DNM1L: variants seen among roughly 807,000 people sequenced by gnomAD.
DNM1L encodes dynamin 1L.
DNM1L carries 33 observed loss-of-function variants against 92.8 expected under a neutral mutation model. The observed-to-expected ratio is 0.36, with a 90% CI of 0.27 to 0.48. DNM1L has a LOEUF of 0.48. DNM1L is among the 20% of genes least tolerant of loss of function. The probability of loss-of-function intolerance (pLI) is 0.99; values close to 1 mark genes in which losing one functional copy is unlikely to be tolerated. For missense variants in DNM1L, 485 were observed against 888.8 expected (o/e 0.55, Z 5.78); for synonymous variants, 284 against 305.0 (o/e 0.93, Z 0.72).
chr12:32,740,293 G>A, intron 17 of DNM1L, 53 bp downstream of exon 17: 1 of 1,613,284 alleles, frequency 6.2e-7, no homozygotes, highest in Non-Finnish European at 8.5e-7. Flanking sequence ...AAGTTAGTAG[G>A]AAAACGATTA....
At chr12:32,699,567 G>T (rs866055306) in intron 1 of DNM1L, among the ~76,000 whole-genome samples, 1 of 151,834 alleles carries the variant, frequency 6.6e-6, no homozygotes, top group African/African-American at 2.4e-5. Context: ...AGGCTGAGGC[G>T]GGCGGATCAC....
In DNM1L at chr12:32,731,593, A is replaced by T. The variant is rs1367733519; in HGVS notation, c.1356+82A>T. On this transcript the variant is annotated intron_variant, in intron 11 of 19. Transcript: ENST00000549701. The surrounding 1 kb of genome is among the most constrained non-coding windows in gnomAD (Gnocchi z 5.1). ...GGTTTCACTGGGTGGAAGGAAATGT[A>T]TAAGATGGGATACAAGGTAAAATCT... 1 of 1,541,158 alleles carries T rather than the reference A, an allele frequency of 6.5e-7. No individual in the cohort carries two copies. Among genetic ancestry groups the T allele is most frequent in the Non-Finnish European group, 8.9e-7 (1 of 1,125,918 alleles).
chr12:32,738,882 G>C (rs1955089632), intron 16 of DNM1L, among the ~76,000 whole-genome samples: 1 of 152,070 alleles, frequency 6.6e-6, no homozygotes. Context: ...CAGATTTAAA[G>C]TTCTGAACTT....
chr12:32,708,448 T>G (rs1286079297), intron 4 of DNM1L, among the ~76,000 whole-genome samples: 2 of 152,216 alleles, frequency 1.3e-5, no homozygotes, highest in East Asian at 3.8e-4. Context: ...CTTAAAGCTT[T>G]CATATAAATC....
chr12:32,696,813 T>C (rs1952487337), intron 1 of DNM1L, among the ~76,000 whole-genome samples: 2 of 150,304 alleles, frequency 1.3e-5, no homozygotes, highest in African/African-American at 2.4e-5. Flanking sequence ...TTAGTAGAGA[T>C]GGGGTTTCAC....
chr12:32,681,838 A>G (rs1951818542), intron 1 of DNM1L, among the ~76,000 whole-genome samples: 1 of 151,940 alleles, frequency 6.6e-6, no homozygotes, highest in Admixed American at 6.6e-5. Context: ...TGTCTTCAGA[A>G]TACAGGTATA....
intron 13 of DNM1L, among the ~76,000 whole-genome samples, chr12:32,734,722 CAA>C: frequency 6.6e-6 from 1 of 152,080 alleles, no homozygotes; most frequent in Admixed American, 6.6e-5. Context: ...GCAGGAGAAT[CAA>C]CTTGAACCCA....
At chr12:32,724,532 C>T (rs1431534045) in intron 9 of DNM1L, among the ~76,000 whole-genome samples, 4 of 139,822 alleles carry the variant, frequency 2.9e-5, no homozygotes, top group East Asian at 2.1e-4. Context: ...GCTGAGATCG[C>T]ACCACTGCAC....
At chr12:32,739,538 A>T (rs1955134676) in intron 16 of DNM1L, among the ~76,000 whole-genome samples, 1 of 152,212 alleles carries the variant, frequency 6.6e-6, no homozygotes, top group African/African-American at 2.4e-5. Context: ...CTTTTTGTTA[A>T]AGAGTTCTTA....
intron 1 of DNM1L, among the ~76,000 whole-genome samples, chr12:32,696,381 CAA>C (rs372594438): frequency 3.9e-4 from 28 of 71,948 alleles, no homozygotes; most frequent in South Asian, 1.2e-3. Context: ...CACACACACA[CAA>C]ACACACACAC....
At chr12:32,740,783 A>C (rs1955234670) in intron 18 of DNM1L, among the ~76,000 whole-genome samples, 1 of 152,180 alleles carries the variant, frequency 6.6e-6, no homozygotes, top group African/African-American at 2.4e-5. Context: ...TCATTTAAGA[A>C]AATCTTTTTC....
chr12:32,739,276 C>T (rs1215855469), intron 16 of DNM1L, among the ~76,000 whole-genome samples: 1 of 145,756 alleles, frequency 6.9e-6, no homozygotes, highest in Non-Finnish European at 1.5e-5. Flanking sequence ...TAAAGAATAC[C>T]TAAAAAAAAC....
intron 6 of DNM1L, among the ~76,000 whole-genome samples, chr12:32,717,857 T>C (rs1403537271): frequency 8.7e-6 from 1 of 115,276 alleles, no homozygotes; most frequent in African/African-American, 3.5e-5. Context: ...TTTATAAATA[T>C]ACTATATATA....
At chr12:32,691,975 A>AT (rs1332817253) in intron 1 of DNM1L, among the ~76,000 whole-genome samples, 1 of 150,718 alleles carries the variant, frequency 6.6e-6, no homozygotes, top group Admixed American at 6.6e-5. Flanking sequence ...GGAAAAAAAA[A>AT]AGCTTTCTTA....
chr12:32,744,209 C>T lies in DNM1L; in HGVS notation c.*799C>T, dbSNP rs1297652806. Reference sequence around the variant, plus strand: ...TAGATTTCAGAAAATCAAATGATGACCTAAATTTCCCTTAATTTGCAAATA... The same window carrying T: ...TAGATTTCAGAAAATCAAATGATGATCTAAATTTCCCTTAATTTGCAAATA... On this transcript the variant is annotated 3_prime_UTR_variant, in exon 20 of 20. Coordinates refer to ENST00000549701, the MANE Select transcript of DNM1L (RefSeq NM_012062.5). The T allele has an allele frequency of 6.6e-6, 1 of 152,150 alleles. No individual in the cohort carries two copies. The highest frequency in any genetic ancestry group is 1.5e-5 in the Non-Finnish European group (1 of 68,042). 9.4% of individuals were successfully genotyped at this position (152,150 alleles called of 1,614,324 possible).
Position 32,707,430 on chromosome 12 carries a change from A to G in DNM1L, c.297+17A>G, listed in dbSNP as rs765335153. 1.3e-6 allele frequency: 2 copies of G among 1,559,760 alleles called. No homozygotes were observed. The highest frequency in any genetic ancestry group is 3.7e-5 in the Admixed American group (2 of 53,890). On this transcript the variant is annotated intron_variant, in intron 3 of 19. Transcript: ENST00000549701. Reference sequence around the variant, plus strand: ...AAAAATAAGGTAATCACACATGCATATAATGAAGAAATAATGTTGAAAAAA... The same window carrying G: ...AAAAATAAGGTAATCACACATGCATGTAATGAAGAAATAATGTTGAAAAAA...
rs1223462344 is a variant in DNM1L at position 32,717,927 on chromosome 12, A to ATT, written c.620-713_620-712dup. Among the ~76,000 whole-genome samples, 2 of 83,056 alleles carry ATT rather than the reference A, an allele frequency of 2.4e-5. 1 individual carries two copies. The highest frequency in any genetic ancestry group is 1.1e-4 in the African/African-American group (2 of 18,962). The allele number at this position is 83,056 out of a possible 152,430, so 54.5% of individuals were successfully genotyped here. A position where few individuals can be genotyped will look rare whatever the true frequency, so the allele number is the denominator to read the frequency against. On this transcript the variant is annotated intron_variant, in intron 6 of 19. Coordinates refer to ENST00000549701, the MANE Select transcript of DNM1L (RefSeq NM_012062.5). Reference sequence around the variant, plus strand: ...AGTATATATATAAAATATAGTATATATTTTATATATATATAAAATATAGTA... The same window carrying ATT: ...AGTATATATATAAAATATAGTATATATTTTTTATATATATATAAAATATAGTA...
chr12:32,705,659 T>C (rs1267722348), intron 2 of DNM1L, among the ~76,000 whole-genome samples: 1 of 152,220 alleles, frequency 6.6e-6, no homozygotes, highest in African/African-American at 2.4e-5. Context: ...ATTCTTAATT[T>C]TTCTTCTTAG....
At chr12:32,719,301 G>A (rs1953697291) in intron 7 of DNM1L, among the ~76,000 whole-genome samples, 2 of 152,136 alleles carry the variant, frequency 1.3e-5, no homozygotes, top group African/African-American at 4.8e-5. Flanking sequence ...ACCACAAAAT[G>A]GAAGAAATGT....
Sources: gnomAD v4.1 joint callset for allele counts (sites outside exome capture counted in the v4.1 genomes callset) on GRCh38, gnomAD v4.1.1 for gene constraint, Gnocchi (gnomAD v3.1) non-coding constraint, MANE v1.5 for transcripts, NCBI Gene and HGNC (gene_info 2026-07-23, HGNC 2026-07-21) for gene names.